Variants in SH2B1 observed in about 807,000 individuals in gnomAD.
The protein encoded by SH2B1 is SH2B adaptor protein 1, also known as SH2B adapter protein 1.
SH2B1 carries 15 observed loss-of-function variants against 62.6 expected under a neutral mutation model. That is an observed-to-expected ratio of 0.24 (90% confidence interval 0.16 to 0.37). The LOEUF (loss-of-function observed/expected upper bound fraction) is 0.37. SH2B1 is among the 10% of genes least tolerant of loss of function. The pLI, the probability that SH2B1 is intolerant of heterozygous loss-of-function variation, is 1.00. For synonymous variants in SH2B1, 443 were observed against 438.0 expected (o/e 1.01, Z -0.14); for missense variants, 925 against 1,015.6 (o/e 0.91, Z 1.21).
At position 28,873,878 on chromosome 16, in the gene SH2B1, C is replaced by T. The variant is rs1388932985; in HGVS notation, c.*58C>T. The T allele has an allele frequency of 7.2e-7, 1 of 1,383,602 alleles. No individual in the cohort carries two copies. Among genetic ancestry groups the T allele is most frequent in the African/African-American group, 1.5e-5 (1 of 67,562 alleles). 85.7% of individuals were successfully genotyped at this position (1,383,602 alleles called of 1,614,324 possible). ...CCCCAGCCCTGCTCGTGAGATTGGGCTGGGTAGGGACAGAGGAGGCCGAAA... is the reference window on the plus strand; with the variant it reads ...CCCCAGCCCTGCTCGTGAGATTGGGTTGGGTAGGGACAGAGGAGGCCGAAA... On this transcript the variant is annotated 3_prime_UTR_variant, in exon 8 of 8. Transcript: ENST00000684370. This position sits in a 1 kb window ranked among gnomAD's most constrained non-coding sequence, Gnocchi z 4.2.
rs1437573887 is a variant in SH2B1 at position 28,873,662 on chromosome 16, G to C, written c.2113G>C (p.Glu705Gln). 1 of 1,532,600 alleles carries C rather than the reference G, an allele frequency of 6.5e-7. No homozygotes were observed. The allele number at this position is 1,532,600 out of a possible 1,614,324, so 94.9% of individuals were successfully genotyped here. ...TGAGCTGGTCCCCGTGGTTGAATTG[G>C]AAGAGGCCATAGCCCCAGGCTCAGA... Reference protein sequence around the residue: ...VVELVPVVELEEAIAPGSEAQ... With the variant: ...VVELVPVVELQEAIAPGSEAQ... Residue 705 changes from glutamate (E) to glutamine (Q), a missense_variant, in exon 8 of 8, where the codon GAA becomes CAA. Coordinates refer to ENST00000684370, the MANE Select transcript of SH2B1 (RefSeq NM_001387430.1). This position sits in a 1 kb window ranked among gnomAD's most constrained non-coding sequence, Gnocchi z 4.2.
At chr16:28,867,212 T>C (rs952072864) in intron 1 of SH2B1, 119 bp from the exon 2 acceptor site, 4 of 1,194,962 alleles carry the variant, frequency 3.3e-6, no homozygotes, top group African/African-American at 1.5e-5. Context: ...GAGAAAGCAG[T>C]GTGACTGCCT....
intron 2 of SH2B1, among the ~76,000 whole-genome samples, 171 bp from the exon 3 acceptor site, chr16:28,868,835 G>A (rs75942312): frequency 6.6e-6 from 1 of 151,722 alleles, no homozygotes; most frequent in Non-Finnish European, 1.5e-5. Flanking sequence ...CTGGGCTCAA[G>A]TGATCCTCCA....
At chr16:28,871,759 C>T in intron 4 of SH2B1, 21 bp from the exon 5 acceptor site, 2 of 1,601,752 alleles carry the variant, frequency 1.2e-6, no homozygotes, top group Non-Finnish European at 1.7e-6. Flanking sequence ...GGGTTCTCAG[C>T]TTTGCCCTTT....
chr16:28,862,653 T>C (rs1962486988), upstream of SH2B1: 1 of 148,714 alleles, frequency 6.7e-6, no homozygotes, highest in Non-Finnish European at 1.5e-5. Context: ...TCTAGCTCTG[T>C]TGCCCGCGCT....
chr16:28,867,453 C>A, intron 2 of SH2B1, 21 bp downstream of exon 2: 2 of 1,569,002 alleles, frequency 1.3e-6, no homozygotes, highest in Non-Finnish European at 1.8e-6. Flanking sequence ...AACTTCCCAG[C>A]CGCCGGCAGT....
intron 1 of SH2B1, among the ~76,000 whole-genome samples, chr16:28,852,303 CATAT>C (rs1227187378): frequency 1.9e-5 from 1 of 53,028 alleles, no homozygotes; most frequent in African/African-American, 7.5e-5. Flanking sequence ...TATATATTTA[CATAT>C]ATATATTTAC....
chr16:28,871,905 G>A lies in SH2B1; in HGVS notation c.1435G>A (p.Glu479Lys). The A allele has an allele frequency of 6.4e-7, 1 of 1,566,068 alleles. No individual in the cohort carries two copies. The highest frequency in any genetic ancestry group is 8.7e-7 in the Non-Finnish European group (1 of 1,146,778). Reference protein sequence around the residue: ...PPELPPRIPIEEGPPTGTVHP... With the variant: ...PPELPPRIPIKEGPPTGTVHP... ...AGAGTTGCCCCCCCGCATCCCCATT[G>A]AAGAGGGACCCCCAACAGGGACAGT... The change falls in exon 5 of 8, where the codon GAA (glutamate) becomes AAA (lysine). Residue 479 changes from glutamate to lysine, a missense_variant. Glu to Lys is a moderately conservative substitution (Grantham distance 56). This residue lies in a region of SH2B1 where 683 missense variants were observed against 704.0 expected (regional missense o/e 0.97). Coordinates refer to ENST00000684370, the MANE Select transcript of SH2B1 (RefSeq NM_001387430.1).
At chr16:28,855,643 A>ATT (rs760328836) in intron 1 of SH2B1, among the ~76,000 whole-genome samples, 3 of 140,436 alleles carry the variant, frequency 2.1e-5, no homozygotes, top group African/African-American at 5.0e-5. Context: ...TTATTTATTT[A>ATT]TTTATTTTTT....
rs956563354 is a variant in SH2B1, at chr16:28,865,021, TGGGTGCTCATAA to T, written c.-1071_-1060del. 7.0e-5 allele frequency: 61 copies of T among 869,470 alleles called. 1 individual carries two copies. The highest frequency in any genetic ancestry group is 1.2e-3 in the Middle Eastern group (2 of 1,714). The allele number at this position is 869,470 out of a possible 1,614,324, so 53.9% of individuals were successfully genotyped here. A position where few individuals can be genotyped will look rare whatever the true frequency, so the allele number is the denominator to read the frequency against. ...AACATCGCTCATAAGGTGGCTGGAC[TGGGTGCTCATAA>T]GGTGGTTTGAGCCCTGGTCTGACTC... On this transcript the variant is annotated 5_prime_UTR_variant, in exon 1 of 8. Transcript: ENST00000684370.
upstream of SH2B1, chr16:28,863,819 A>T: frequency 6.5e-7 from 1 of 1,534,472 alleles, no homozygotes; most frequent in East Asian, 2.4e-5. Flanking sequence ...CAGCGACGGG[A>T]AAGGGGGTCC....
chr16:28,865,960 C>G lies in SH2B1; in HGVS notation c.-135C>G, dbSNP rs1053811657. On this transcript the variant is annotated 5_prime_UTR_variant, in exon 1 of 8. Transcript: ENST00000684370. ...CTGGCTGGGGGTGGGATGCAGCCTC[C>G]GGTGCGCCCTCAGCAGTGACCCTCG... 2 of 1,448,014 alleles carry G rather than the reference C, an allele frequency of 1.4e-6. No homozygotes were observed. The highest frequency in any genetic ancestry group is 2.5e-5 in the East Asian group (1 of 40,644). 89.7% of individuals were successfully genotyped at this position (1,448,014 alleles called of 1,614,324 possible).
chr16:28,850,111 G>A (rs1402634500), intron 1 of SH2B1, among the ~76,000 whole-genome samples: 2 of 152,170 alleles, frequency 1.3e-5, no homozygotes, highest in African/African-American at 4.8e-5. Context: ...TTGACTTACA[G>A]ATAACAGATT....
At chr16:28,856,483 C>T (rs4788101) in intron 1 of SH2B1, among the ~76,000 whole-genome samples, 51,811 of 151,846 alleles carry the variant, frequency 0.34, 9,509 homozygotes, top group Admixed American at 0.41. Context: ...CCCTCAGCTT[C>T]ATTATCTACA....
intron 1 of SH2B1, among the ~76,000 whole-genome samples, chr16:28,856,730 G>C (rs1962330507): frequency 1.3e-5 from 2 of 152,178 alleles, no homozygotes; most frequent in South Asian, 4.1e-4. Flanking sequence ...AGCCAACTTG[G>C]CAGGACCTCC....
chr16:28,863,580 A>ACATCG, upstream of SH2B1: 3 of 1,170,146 alleles, frequency 2.6e-6, no homozygotes, highest in Non-Finnish European at 2.4e-6. Flanking sequence ...TCTATGGTCG[A>ACATCG]CATCGCCCCT....
At chr16:28,861,126 C>CA (rs1406570371), upstream of SH2B1, among the ~76,000 whole-genome samples, 1 of 151,524 alleles carries the variant, frequency 6.6e-6, no homozygotes, top group Non-Finnish European at 1.5e-5. Flanking sequence ...ACTGAGCCAC[C>CA]ATGCCCAGCA....
intron 1 of SH2B1, among the ~76,000 whole-genome samples, chr16:28,854,970 GGTTCAA>G (rs1198553348): frequency 6.6e-6 from 1 of 151,954 alleles, no homozygotes; most frequent in Non-Finnish European, 1.5e-5. Context: ...CCATCTCCTG[GGTTCAA>G]GCGATTCTCC....
intron 1 of SH2B1, among the ~76,000 whole-genome samples, chr16:28,851,159 C>A (rs1962089817): frequency 7.2e-6 from 1 of 139,588 alleles, no homozygotes; most frequent in African/African-American, 2.6e-5. Flanking sequence ...GCCGACAGAG[C>A]AAGACTCTGT....
Sources: gnomAD v4.1 joint callset for allele counts (sites outside exome capture counted in the v4.1 genomes callset) on GRCh38, gnomAD v4.1.1 for gene constraint, gnomAD v4.1.1 regional missense constraint, Gnocchi (gnomAD v3.1) non-coding constraint, MANE v1.5 for transcripts, NCBI Gene and HGNC (gene_info 2026-07-23, HGNC 2026-07-21) for gene names.